The following RERE variants were observed in gnomAD, a reference collection of about 807,000 sequenced individuals.
RERE encodes arginine-glutamic acid dipeptide repeats protein.
In RERE, 40 loss-of-function variants were observed where a neutral mutation model predicts 146.1. The observed-to-expected ratio is 0.27, with a 90% CI of 0.21 to 0.36. The LOEUF (loss-of-function observed/expected upper bound fraction) is 0.36, where lower values mean the gene tolerates loss of function less well. Among genes scored for constraint, RERE ranks in the 10% least tolerant of loss-of-function variants. The pLI is 1.00. For missense variants in RERE, 1,933 were observed against 2,138.7 expected (o/e 0.90, Z 1.90); for synonymous variants, 1,003 against 866.0 (o/e 1.16, Z -2.78).
chr1:8,569,173 T>C, intron 4 of RERE, among the ~76,000 whole-genome samples: 1 of 151,632 alleles, frequency 6.6e-6, no homozygotes, highest in East Asian at 1.9e-4. Context: ...AAATAGCTAT[T>C]CGTAGAGAGT....
At chr1:8,813,614 CTTTTTTT>C (rs34918730) in intron 1 of RERE, among the ~76,000 whole-genome samples, 12 of 121,132 alleles carry the variant, frequency 9.9e-5, no homozygotes, top group African/African-American at 3.7e-4. Flanking sequence ...CTATTTTTTC[CTTTTTTT>C]TTTTTTTTTT....
intron 8 of RERE, among the ~76,000 whole-genome samples, chr1:8,502,530 G>A (rs1157778202): frequency 2.9e-5 from 4 of 136,668 alleles, no homozygotes; most frequent in African/African-American, 5.8e-5. Context: ...CTGCCCGGCC[G>A]CCCCTACTGG....
At chr1:8,408,588 G>C (rs1643520925) in intron 12 of RERE, among the ~76,000 whole-genome samples, 2 of 152,056 alleles carry the variant, frequency 1.3e-5, no homozygotes, top group Non-Finnish European at 2.9e-5. Context: ...AAAGGTTTCT[G>C]AACCACAGAG....
chr1:8,672,716 C>G (rs989272913), intron 1 of RERE, among the ~76,000 whole-genome samples: 15 of 152,142 alleles, frequency 9.9e-5, no homozygotes, highest in African/African-American at 3.4e-4. Context: ...GGTTATTCAG[C>G]CTCAGATATA....
chr1:8,363,987 G>T, intron 15 of RERE, 69 bp downstream of exon 15: 1 of 1,446,622 alleles, frequency 6.9e-7, no homozygotes, highest in South Asian at 1.1e-5. Flanking sequence ...CCCCTGGGAG[G>T]CTCAAGCCCC....
chr1:8,730,114 G>A (rs1226200240), intron 1 of RERE, among the ~76,000 whole-genome samples: 1 of 152,168 alleles, frequency 6.6e-6, no homozygotes, highest in Non-Finnish European at 1.5e-5. Flanking sequence ...GAATGAACTT[G>A]AGGTAAATAC....
At chr1:8,361,604 C>A in intron 17 of RERE, 114 bp from the exon 18 acceptor site, 1 of 1,454,932 alleles carries the variant, frequency 6.9e-7, no homozygotes, top group Non-Finnish European at 9.5e-7. Context: ...GCAAGCTTGG[C>A]TCCGGGACCA....
At chr1:8,665,895 G>A (rs1166102710) in intron 1 of RERE, among the ~76,000 whole-genome samples, 2 of 152,078 alleles carry the variant, frequency 1.3e-5, no homozygotes, top group African/African-American at 4.8e-5. Context: ...TGAAAGCCAG[G>A]TCATATATCC....
At chr1:8,609,243 T>C (rs191121343) in intron 4 of RERE, among the ~76,000 whole-genome samples, 1 of 151,010 alleles carries the variant, frequency 6.6e-6, no homozygotes, top group African/African-American at 2.4e-5. Flanking sequence ...AAGGAATAAA[T>C]TAACTGACAA....
chr1:8,520,773 A>C (rs1176798668), intron 7 of RERE, among the ~76,000 whole-genome samples: 2 of 151,026 alleles, frequency 1.3e-5, no homozygotes, highest in Non-Finnish European at 3.0e-5. Flanking sequence ...AAAAAAAAAA[A>C]AAACCACTAT....
In RERE at chr1:8,574,340, CTTTTTT is replaced by C. The variant is rs35921166; in HGVS notation, c.523-16823_523-16818del. The stretch of plus-strand genomic sequence containing the variant: ...GTTAAGACTATGATCTATATATAGT[CTTTTTT>C]TTTTTTTTTTTTTTTTGAGACGCAG... On this transcript the variant is annotated intron_variant, in intron 4 of 22. Transcript: ENST00000400908. 2.1e-4 allele frequency among the ~76,000 whole-genome samples: 18 copies of C among 87,224 alleles called. No homozygotes were observed. In the East Asian group the frequency reaches 6.8e-3, roughly 33 times the overall value. 57.2% of individuals were successfully genotyped at this position (87,224 alleles called of 152,430 possible).
chr1:8,654,996 T>C (rs1003604290), intron 2 of RERE, among the ~76,000 whole-genome samples: 4 of 152,206 alleles, frequency 2.6e-5, no homozygotes, highest in African/African-American at 9.6e-5. Flanking sequence ...TCAACAGGTT[T>C]TGACTCACTT....
chr1:8,795,271 G>A (rs1211312839), intron 1 of RERE, among the ~76,000 whole-genome samples: 2 of 151,556 alleles, frequency 1.3e-5, no homozygotes, highest in Admixed American at 6.6e-5. Context: ...TGACCTGCCC[G>A]CCTCGGCCTC....
chr1:8,614,748 G>C, intron 3 of RERE, 62 bp from the exon 4 acceptor site: 1 of 1,534,386 alleles, frequency 6.5e-7, no homozygotes. Flanking sequence ...TGGTTATTAG[G>C]GGCACGCAGC....
At chr1:8,588,521 A>AC (rs1304984409) in intron 4 of RERE, among the ~76,000 whole-genome samples, 1 of 152,232 alleles carries the variant, frequency 6.6e-6, no homozygotes, top group African/African-American at 2.4e-5. Flanking sequence ...ATGAGGAGTG[A>AC]CCCCCTGACC....
At chr1:8,670,496 GAC>G (rs1638687381) in intron 1 of RERE, among the ~76,000 whole-genome samples, 1 of 152,108 alleles carries the variant, frequency 6.6e-6, no homozygotes, top group Admixed American at 6.5e-5. Flanking sequence ...GATTACTACA[GAC>G]ACAGTCTGTA....
At chr1:8,504,884 A>G (rs530208366) in intron 8 of RERE, among the ~76,000 whole-genome samples, 44 of 152,238 alleles carry the variant, frequency 2.9e-4, no homozygotes, top group African/African-American at 1.0e-3. Flanking sequence ...AGTGGCTGCT[A>G]ATTACAATTA....
intron 4 of RERE, among the ~76,000 whole-genome samples, chr1:8,586,836 TG>T (rs1646433608): frequency 6.6e-6 from 1 of 152,172 alleles, no homozygotes; most frequent in Non-Finnish European, 1.5e-5. Context: ...AGAAAGCAGC[TG>T]GAATTGTCAC....
intron 7 of RERE, among the ~76,000 whole-genome samples, chr1:8,531,417 T>A (rs1645652030): frequency 6.6e-6 from 1 of 150,814 alleles, no homozygotes; most frequent in Non-Finnish European, 1.5e-5. Context: ...CACTCCAGCC[T>A]GGGCAACAGA....
Sources: gnomAD v4.1 joint callset for allele counts (sites outside exome capture counted in the v4.1 genomes callset) on GRCh38, gnomAD v4.1.1 for gene constraint, MANE v1.5 for transcripts, NCBI Gene and HGNC (gene_info 2026-07-23, HGNC 2026-07-21) for gene names.